Variants in SYNDIG1L observed in about 807,000 individuals in gnomAD.
SYNDIG1L encodes synapse differentiation inducing 1 like, also known as synapse differentiation-inducing gene protein 1-like.
SYNDIG1L carries 13 observed loss-of-function variants against 20.1 expected under a neutral mutation model. That is an observed-to-expected ratio of 0.65 (90% CI 0.42 to 1.03). SYNDIG1L has a LOEUF of 1.03. Among genes scored for constraint, SYNDIG1L ranks in the 50% least tolerant of loss-of-function variants. SYNDIG1L has a pLI of 0.00. For missense variants in SYNDIG1L, 294 were observed against 305.1 expected (o/e 0.96, Z 0.27); for synonymous variants, 128 against 129.3 (o/e 0.99, Z 0.07).
chr14:74,429,613 C>G (rs72730173), upstream of SYNDIG1L, among the ~76,000 whole-genome samples: 604 of 152,342 alleles, frequency 4.0e-3, 1 homozygote, highest in Non-Finnish European at 6.4e-3. Flanking sequence ...GAGTTGAGCT[C>G]ACGGCCAAGG....
the SYNDIG1L span, among the ~76,000 whole-genome samples, chr14:74,472,925 C>T: frequency 2.0e-5 from 3 of 151,880 alleles, no homozygotes; most frequent in Non-Finnish European, 4.4e-5. Context: ...AGGAGGGGGG[C>T]GGAATTCTAA....
At chr14:74,473,842 C>T in the SYNDIG1L span, among the ~76,000 whole-genome samples, 2 of 152,198 alleles carry the variant, frequency 1.3e-5, no homozygotes, top group Non-Finnish European at 1.5e-5. Context: ...GCTGCCTAGG[C>T]CTCCTATACC....
chr14:74,446,756 A>G, the SYNDIG1L span, among the ~76,000 whole-genome samples: 1 of 151,920 alleles, frequency 6.6e-6, no homozygotes, highest in South Asian at 2.1e-4. Flanking sequence ...AGCTGGGATT[A>G]CAGGTGCATG....
chr14:74,429,279 C>T (rs750723755), upstream of SYNDIG1L, among the ~76,000 whole-genome samples: 1 of 152,214 alleles, frequency 6.6e-6, no homozygotes, highest in East Asian at 1.9e-4. Context: ...GAGGGGATGC[C>T]CTCGTGTCCT....
chr14:74,468,835 C>T, the SYNDIG1L span, among the ~76,000 whole-genome samples: 1 of 152,194 alleles, frequency 6.6e-6, no homozygotes, highest in Non-Finnish European at 1.5e-5. Context: ...ATGTCCTACC[C>T]TTTATCTCTG....
intron 1 of SYNDIG1L, among the ~76,000 whole-genome samples, chr14:74,419,464 A>G (rs1055319586): frequency 2.6e-5 from 4 of 152,204 alleles, no homozygotes; most frequent in Non-Finnish European, 5.9e-5. Context: ...GGAAGAAAGT[A>G]CTTTCCAGGA....
upstream of SYNDIG1L, among the ~76,000 whole-genome samples, chr14:74,430,726 T>C (rs1160462076): frequency 6.6e-6 from 1 of 151,994 alleles, no homozygotes; most frequent in Non-Finnish European, 1.5e-5. Flanking sequence ...TAAGCCAACA[T>C]GCCCGGCCTA....
the SYNDIG1L span, among the ~76,000 whole-genome samples, chr14:74,452,248 A>G: frequency 1.3e-5 from 2 of 152,222 alleles, no homozygotes; most frequent in African/African-American, 2.4e-5. Flanking sequence ...AACGACATGC[A>G]TGAACTGAAA....
the SYNDIG1L span, among the ~76,000 whole-genome samples, chr14:74,465,817 T>A: frequency 6.6e-6 from 1 of 151,936 alleles, no homozygotes; most frequent in Non-Finnish European, 1.5e-5. Context: ...AGAAGTGGGG[T>A]CTTCACTGGT....
chr14:74,413,778 ACAC>A (rs1222866052), intron 1 of SYNDIG1L, among the ~76,000 whole-genome samples: 1 of 41,730 alleles, frequency 2.4e-5, no homozygotes, highest in Non-Finnish European at 6.1e-5. Flanking sequence ...ATATACACTC[ACAC>A]ACACACACAC....
the SYNDIG1L span, chr14:74,476,715 G>A: frequency 4.4e-6 from 3 of 674,730 alleles, no homozygotes; most frequent in South Asian, 5.7e-5. Context: ...GCCATCTCCT[G>A]GTCTCCACCC....
At chr14:74,460,165 C>T in the SYNDIG1L span, among the ~76,000 whole-genome samples, 1 of 152,132 alleles carries the variant, frequency 6.6e-6, no homozygotes, top group Non-Finnish European at 1.5e-5. Context: ...AGATGGCAGA[C>T]TCCGGATCAG....
chr14:74,446,185 G>C, the SYNDIG1L span, among the ~76,000 whole-genome samples: 9 of 152,296 alleles, frequency 5.9e-5, no homozygotes, highest in East Asian at 1.7e-3. Context: ...CCCTGAAGAT[G>C]CCTTCTCAAT....
the SYNDIG1L span, among the ~76,000 whole-genome samples, chr14:74,470,830 G>C: frequency 6.6e-6 from 1 of 152,342 alleles, no homozygotes; most frequent in Admixed American, 6.5e-5. Context: ...CCAACATCCT[G>C]CTTCTACTGC....
At chr14:74,442,340 C>A in the SYNDIG1L span, among the ~76,000 whole-genome samples, 10 of 152,058 alleles carry the variant, frequency 6.6e-5, no homozygotes, top group African/African-American at 2.4e-4. Context: ...AAACTATTTC[C>A]GAGGAACCTG....
chr14:74,420,352 T>C (rs1360758926), intron 1 of SYNDIG1L, among the ~76,000 whole-genome samples: 1 of 139,358 alleles, frequency 7.2e-6, no homozygotes, highest in Non-Finnish European at 1.5e-5. Flanking sequence ...ACCAAGATCA[T>C]GCCACCCACC....
the SYNDIG1L span, among the ~76,000 whole-genome samples, chr14:74,446,413 G>GA: frequency 6.6e-6 from 1 of 151,972 alleles, no homozygotes; most frequent in Non-Finnish European, 1.5e-5. Context: ...AATGGAGTGA[G>GA]AAAAATTCAA....
chr14:74,416,554 A>G (rs2086176486), intron 1 of SYNDIG1L, among the ~76,000 whole-genome samples: 1 of 152,180 alleles, frequency 6.6e-6, no homozygotes, highest in South Asian at 2.1e-4. Context: ...GGATCGCTTG[A>G]GGCCAGGAGG....
At chr14:74,442,663 T>A in the SYNDIG1L span, among the ~76,000 whole-genome samples, 6 of 152,044 alleles carry the variant, frequency 3.9e-5, no homozygotes, top group African/African-American at 1.4e-4. Flanking sequence ...TTTGGGAGGG[T>A]GGTAAAATGA....
Sources: gnomAD v4.1 joint callset for allele counts (sites outside exome capture counted in the v4.1 genomes callset) on GRCh38, gnomAD v4.1.1 for gene constraint, MANE v1.5 for transcripts, NCBI Gene and HGNC (gene_info 2026-07-23, HGNC 2026-07-21) for gene names.